The following SYNE1 variants were observed in gnomAD, a reference collection of about 807,000 sequenced individuals.
The protein encoded by SYNE1 is spectrin repeat containing nuclear envelope protein 1, also known as nesprin-1.
SYNE1 carries 616 observed loss-of-function variants against 1,111.0 expected under a neutral mutation model. The observed-to-expected ratio is 0.55, with a 90% CI of 0.52 to 0.59. SYNE1 has a LOEUF of 0.59. Ranked by LOEUF, SYNE1 falls within the 20% of genes least tolerant of loss-of-function variation. The pLI is 0.00. For synonymous variants in SYNE1, 3,855 were observed against 3,825.8 expected, an observed-to-expected ratio of 1.01 and a Z score of -0.28; for missense variants, 10,006 against 10,417.0, an observed-to-expected ratio of 0.96 and a Z score of 1.72.
At chr6:152,211,930 T>A (rs1254639510) in intron 123 of SYNE1, among the ~76,000 whole-genome samples, 1 of 152,106 alleles carries the variant, frequency 6.6e-6, no homozygotes, top group East Asian at 1.9e-4. Context: ...TATTCAAAAC[T>A]TAGAGAATAG....
intron 115 of SYNE1, among the ~76,000 whole-genome samples, chr6:152,226,612 C>T (rs1457194695): frequency 1.3e-5 from 2 of 152,142 alleles, no homozygotes; most frequent in Non-Finnish European, 2.9e-5. Flanking sequence ...TGTATCATAA[C>T]CCTAATTTCT....
intron 95 of SYNE1, among the ~76,000 whole-genome samples, chr6:152,291,630 G>A (rs182234522): frequency 4.6e-5 from 7 of 152,192 alleles, no homozygotes; most frequent in Non-Finnish European, 7.4e-5. Context: ...TTTCATGTAC[G>A]AACTCTGGAA....
At position 152,505,293 on chromosome 6, in the gene SYNE1, G is replaced by C. The variant is rs1210687134; in HGVS notation, c.686C>G (p.Thr229Arg). The C allele has an allele frequency of 6.2e-7, 1 of 1,614,084 alleles. No homozygotes were observed. The highest frequency in any genetic ancestry group is 1.7e-5 in the Admixed American group (1 of 59,998). The change falls in exon 9 of 146, where the codon ACA (threonine) becomes AGA (arginine). Residue 229 changes from threonine to arginine, a missense_variant. Transcript: ENST00000367255. ...TTCTCGGTTGGATCTGCCTTTCACT[G>C]TCTCCAAGTCCACCAATTCCGGTCG... The part of the protein sequence containing the change: ...AIRPELVDLE[T>R]VKGRSNRENL...
intron 82 of SYNE1, 97 bp from the exon 83 acceptor site, chr6:152,321,983 C>G: frequency 7.4e-7 from 1 of 1,350,152 alleles, no homozygotes; most frequent in East Asian, 2.3e-5. Flanking sequence ...AAATGGGAAA[C>G]CTAGTATCTT....
chr6:152,374,532 G>A (rs1283192150), intron 58 of SYNE1, among the ~76,000 whole-genome samples: 1 of 152,184 alleles, frequency 6.6e-6, no homozygotes, highest in East Asian at 1.9e-4. Flanking sequence ...CCAGCACTTT[G>A]AGAGGCCGAG....
intron 41 of SYNE1, among the ~76,000 whole-genome samples, chr6:152,415,544 T>G (rs984496117): frequency 1.8e-4 from 28 of 152,274 alleles, no homozygotes; most frequent in African/African-American, 6.5e-4. Context: ...CAAGAGGCTC[T>G]CAGCCACCAA....
intron 91 of SYNE1, among the ~76,000 whole-genome samples, chr6:152,305,542 G>A (rs2095347643): frequency 6.6e-6 from 1 of 152,152 alleles, no homozygotes; most frequent in African/African-American, 2.4e-5. Context: ...GGGATTACAA[G>A]TGTGAGCCAC....
chr6:152,197,647 T>C lies in SYNE1; in HGVS notation c.23145+4177A>G, dbSNP rs76908426. On this transcript the variant is annotated intron_variant, in intron 127 of 145. Transcript: ENST00000367255. ...TGCATTATCAAGAAGTGGTAATACT[T>C]TGAAAGAAAGCCTTTTTTTTCTGAG... 3.1e-3 allele frequency among the ~76,000 whole-genome samples: 465 copies of C among 152,314 alleles called. 2 individuals are homozygous for C. Among genetic ancestry groups the C allele is most frequent in the Admixed American group, 7.2e-3 (110 of 15,292 alleles).
intron 101 of SYNE1, among the ~76,000 whole-genome samples, chr6:152,257,991 A>G (rs1182180821): frequency 3.3e-5 from 5 of 152,236 alleles, no homozygotes; most frequent in African/African-American, 9.6e-5. Context: ...TGAAACTTAA[A>G]GAAAACTAAA....
intron 14 of SYNE1, 97 bp from the exon 15 acceptor site, chr6:152,472,510 T>A (rs920894701): frequency 3.5e-6 from 4 of 1,131,434 alleles, no homozygotes; most frequent in Non-Finnish European, 5.2e-6. Flanking sequence ...GTCAATGTAT[T>A]CAACAATTTG....
chr6:152,360,173 A>G (rs114638703), intron 64 of SYNE1, among the ~76,000 whole-genome samples: 1,833 of 152,292 alleles, frequency 0.012, 39 homozygotes, highest in African/African-American at 0.042. Flanking sequence ...TATCGTCCCA[A>G]TGCTGCCGGG....
chr6:152,264,764 C>A (rs1399252251), intron 100 of SYNE1, among the ~76,000 whole-genome samples: 1 of 152,138 alleles, frequency 6.6e-6, no homozygotes, highest in Non-Finnish European at 1.5e-5. Flanking sequence ...CACACCACTG[C>A]ACTCCAGCCT....
chr6:152,183,436 A>T (rs1339126593), intron 128 of SYNE1, among the ~76,000 whole-genome samples: 1 of 152,078 alleles, frequency 6.6e-6, no homozygotes, highest in Non-Finnish European at 1.5e-5. Flanking sequence ...CCCCACCTCT[A>T]CTAAAAAAAC....
At chr6:152,564,369 C>T (rs757711596) in intron 3 of SYNE1, among the ~76,000 whole-genome samples, 3 of 152,144 alleles carry the variant, frequency 2.0e-5, no homozygotes, top group Admixed American at 6.5e-5. Context: ...CAGACAGGAG[C>T]GCAGTGGCAT....
intron 3 of SYNE1, among the ~76,000 whole-genome samples, chr6:152,593,876 C>T (rs948723228): frequency 6.6e-6 from 1 of 152,084 alleles, no homozygotes. Context: ...TAGATATGTT[C>T]GCAGCATGTT....
At chr6:152,381,678 G>A in intron 55 of SYNE1, 2 of 411,506 alleles carry the variant, frequency 4.9e-6, no homozygotes, top group South Asian at 2.4e-5. Context: ...GTGGTGGATT[G>A]CTCCTGTGAA....
intron 10 of SYNE1, among the ~76,000 whole-genome samples, chr6:152,501,797 G>C (rs1275526475): frequency 6.7e-6 from 1 of 149,380 alleles, no homozygotes; most frequent in Non-Finnish European, 1.5e-5. Flanking sequence ...GTTCATAAAA[G>C]CATTGCTTAT....
At chr6:152,591,032 T>TC (rs1414748005) in intron 3 of SYNE1, among the ~76,000 whole-genome samples, 1 of 152,242 alleles carries the variant, frequency 6.6e-6, no homozygotes, top group African/African-American at 2.4e-5. Context: ...GAAATGTTTT[T>TC]CCATTTATTT....
At chr6:152,538,828 T>C (rs1319144268) in intron 4 of SYNE1, among the ~76,000 whole-genome samples, 1 of 152,016 alleles carries the variant, frequency 6.6e-6, no homozygotes, top group East Asian at 1.9e-4. Context: ...GAAGAGAGCA[T>C]AGGAAAGATG....
Sources: allele counts gnomAD v4.1 joint callset (sites outside exome capture counted in the v4.1 genomes callset), GRCh38; gene constraint gnomAD v4.1.1; transcripts MANE v1.5; gene names NCBI Gene and HGNC (gene_info 2026-07-23, HGNC 2026-07-21).